Variants in ARHGAP6 observed in about 807,000 individuals in gnomAD.
ARHGAP6 encodes Rho GTPase activating protein 6.
ARHGAP6 carries 16 observed loss-of-function variants against 55.7 expected under a neutral mutation model. The ratio of observed to expected loss-of-function variants is 0.29; its 90% CI spans 0.19 to 0.44. The LOEUF is 0.44. Ranked by LOEUF, ARHGAP6 falls within the 20% of genes least tolerant of loss-of-function variation. ARHGAP6 has a pLI of 1.00. For synonymous variants in ARHGAP6, 382 were observed against 360.9 expected (o/e 1.06, Z -0.66); for missense variants, 698 against 808.9 (o/e 0.86, Z 1.66).
chrX:11,466,869 C>T (rs1209011536), intron 1 of ARHGAP6, among the ~76,000 whole-genome samples: 1 of 112,217 alleles, frequency 8.9e-6, no homozygotes, highest in African/African-American at 3.2e-5. Flanking sequence ...TGAATACCCA[C>T]ACCAGCCTTC....
intron 1 of ARHGAP6, chrX:11,298,736 A>T (rs749154172): frequency 8.3e-7 from 1 of 1,208,115 alleles, no homozygotes; most frequent in African/African-American, 1.8e-5. Flanking sequence ...CCATGACTCC[A>T]ATCCAACACC....
Position 11,244,897 on chromosome X carries a change from G to T in ARHGAP6, c.748+9651C>A, listed in dbSNP as rs1011230725. Among the ~76,000 whole-genome samples, 5 of 112,069 alleles carry T rather than the reference G, an allele frequency of 4.5e-5. No individual in the cohort carries two copies. In the East Asian group the frequency reaches 1.4e-3, roughly 31 times the overall value. ...AACGATATTGTCTGAGAACATAAAG[G>T]AAGTAATTTGTGAATACCATGGTAC... On this transcript the variant is annotated intron_variant, in intron 2 of 12. Transcript: ENST00000337414.
intron 1 of ARHGAP6, among the ~76,000 whole-genome samples, chrX:11,344,124 A>G (rs1468024749): frequency 1.8e-5 from 2 of 111,706 alleles, no homozygotes; most frequent in Non-Finnish European, 3.8e-5. Flanking sequence ...AGTCCAGCTT[A>G]AATCAGGGTT....
chrX:11,572,971 G>A (rs779754620), intron 1 of ARHGAP6, among the ~76,000 whole-genome samples: 39 of 112,140 alleles, frequency 3.5e-4, no homozygotes, highest in African/African-American at 1.2e-3. Flanking sequence ...GTGTCTGTTG[G>A]CTGCATAAAT....
At chrX:11,647,191 A>G (rs921888775) in intron 1 of ARHGAP6, among the ~76,000 whole-genome samples, 2 of 112,426 alleles carry the variant, frequency 1.8e-5, no homozygotes, top group African/African-American at 6.5e-5. Flanking sequence ...AATCCTGGCA[A>G]GTGAAAGAAA....
chrX:11,474,826 G>C (rs1396591238), intron 1 of ARHGAP6, among the ~76,000 whole-genome samples: 2 of 110,943 alleles, frequency 1.8e-5, no homozygotes, highest in East Asian at 2.8e-4. Context: ...TCTAGCTCTT[G>C]TGAAATGGAA....
chrX:11,391,151 C>A (rs1603167802), intron 1 of ARHGAP6, among the ~76,000 whole-genome samples: 1 of 111,772 alleles, frequency 8.9e-6, no homozygotes, highest in East Asian at 2.8e-4. Context: ...ACGATGAGTT[C>A]ATGTCCTTTG....
At chrX:11,314,778 A>G (rs1436144001) in intron 1 of ARHGAP6, among the ~76,000 whole-genome samples, 1 of 111,417 alleles carries the variant, frequency 9.0e-6, no homozygotes, top group Non-Finnish European at 1.9e-5. Flanking sequence ...CACACTGGGG[A>G]CCTCTCAGAA....
intron 1 of ARHGAP6, among the ~76,000 whole-genome samples, chrX:11,502,578 C>T (rs186763580): frequency 3.3e-4 from 37 of 112,163 alleles, no homozygotes; most frequent in African/African-American, 1.2e-3. Flanking sequence ...GCCTTTGCCA[C>T]CTCTGAGACA....
chrX:11,627,909 T>C (rs754408044), intron 1 of ARHGAP6, among the ~76,000 whole-genome samples: 1 of 112,055 alleles, frequency 8.9e-6, no homozygotes, highest in South Asian at 3.7e-4. Flanking sequence ...TCAGGTAGTG[T>C]ACACTATTCA....
At chrX:11,233,468 G>A (rs2047160569) in intron 2 of ARHGAP6, among the ~76,000 whole-genome samples, 1 of 110,947 alleles carries the variant, frequency 9.0e-6, no homozygotes, top group South Asian at 3.8e-4. Context: ...AGAGAAAGAT[G>A]TCTTATAGAG....
chrX:11,178,498 G>A, intron 7 of ARHGAP6, among the ~76,000 whole-genome samples: 1 of 107,963 alleles, frequency 9.3e-6, no homozygotes, highest in East Asian at 2.9e-4. Context: ...AAAAAAAAAA[G>A]GTAACTCAAT....
At position 11,650,112 on chromosome X, in the gene ARHGAP6, A is replaced by G. The variant is rs143012843; in HGVS notation, c.588+14129T>C. Among the ~76,000 whole-genome samples the G allele has an allele frequency of 3.6e-3, 390 of 107,043 alleles. 11 individuals carry two copies. The East Asian group carries it at 0.076, about 21-fold the overall frequency. 93.0% of individuals were successfully genotyped at this position (107,043 alleles called of 115,157 possible). A position where few individuals can be genotyped will look rare whatever the true frequency, so the allele number is the denominator to read the frequency against. On this transcript the variant is annotated intron_variant, in intron 1 of 12. Transcript: ENST00000337414. ...TGGGCCTATGCAATCCTCTTGCCTC[A>G]GCCTCCCAAGTAGCTGGGACTATAA...
At chrX:11,464,828 G>T (rs1166076704) in intron 1 of ARHGAP6, among the ~76,000 whole-genome samples, 1 of 111,676 alleles carries the variant, frequency 9.0e-6, no homozygotes, top group African/African-American at 3.3e-5. Context: ...AAGTAATCTG[G>T]GTGGCCACCT....
chrX:11,278,735 C>T (rs1415950568), intron 1 of ARHGAP6, among the ~76,000 whole-genome samples: 1 of 111,801 alleles, frequency 8.9e-6, no homozygotes, highest in African/African-American at 3.2e-5. Context: ...GTAGCTTCAA[C>T]TTAAGTAGTC....
At chrX:11,342,231 T>C (rs1463393972) in intron 1 of ARHGAP6, among the ~76,000 whole-genome samples, 1 of 112,122 alleles carries the variant, frequency 8.9e-6, no homozygotes, top group East Asian at 2.8e-4. Flanking sequence ...GCTTAAGTTT[T>C]ATAAGACATT....
At chrX:11,596,314 C>T (rs113763475) in intron 1 of ARHGAP6, among the ~76,000 whole-genome samples, 20,116 of 110,727 alleles carry the variant, frequency 0.18, 1,523 homozygotes, top group African/African-American at 0.26. Flanking sequence ...CAGCAAACTA[C>T]CACAAGAACA....
Position 11,388,389 on chromosome X carries a change from G to T in ARHGAP6, c.589-133682C>A, listed in dbSNP as rs1305125522. 1.4e-4 allele frequency among the ~76,000 whole-genome samples: 16 copies of T among 111,489 alleles called. No homozygotes were observed. The Admixed American group carries it at 1.5e-3, about 11-fold the overall frequency. On this transcript the variant is annotated intron_variant, in intron 1 of 12. Transcript: ENST00000337414. ...GTCTGTTCATATCCTTCACCCACTT[G>T]TTGATGGGGTTGTTTGTTTTTTTCT...
rs773075796 is a variant in ARHGAP6 at position 11,368,121 on chromosome X, T to C, written c.589-113414A>G. On this transcript the variant is annotated intron_variant, in intron 1 of 12. Transcript: ENST00000337414. ...TGGAGAAAGCATGGTGATCGTAAAA[T>C]AGTTTTCCTATGTAGCACAGATTGC... 2.7e-5 allele frequency among the ~76,000 whole-genome samples: 3 copies of C among 112,562 alleles called. No homozygotes were observed. The South Asian group carries it at 1.1e-3, about 41-fold the overall frequency.
Sources: gnomAD v4.1 joint callset for allele counts (sites outside exome capture counted in the v4.1 genomes callset) on GRCh38, gnomAD v4.1.1 for gene constraint, MANE v1.5 for transcripts, NCBI Gene and HGNC (gene_info 2026-07-23, HGNC 2026-07-21) for gene names.